The following CERKL variants were observed in gnomAD, a reference collection of about 807,000 sequenced individuals.
CERKL encodes CERK like autophagy regulator.
Under a neutral mutation model 63.4 loss-of-function variants are expected in CERKL, and 61 were observed. That is an observed-to-expected ratio of 0.96 (90% confidence interval 0.78 to 1.19). The LOEUF (loss-of-function observed/expected upper bound fraction) is 1.19, where lower values mean the gene tolerates loss of function less well. Ranked by LOEUF, CERKL falls within the 50% of genes most tolerant of loss-of-function variation. The pLI is 0.00. For missense variants in CERKL, 675 were observed against 655.5 expected (o/e 1.03, Z -0.33); for synonymous variants, 250 against 230.5 (o/e 1.08, Z -0.77).
In CERKL at chr2:181,656,795, C is replaced by T. The variant is rs781492548; in HGVS notation, c.212G>A (p.Arg71Gln). The T allele has an allele frequency of 1.3e-6, 2 of 1,596,100 alleles. No homozygotes were observed. Among genetic ancestry groups the T allele is most frequent in the South Asian group, 1.1e-5 (1 of 89,598 alleles). Residue 71 changes from arginine (R) to glutamine (Q), a missense_variant, in exon 1 of 13, where the codon CGG becomes CAG. Physicochemically the swap from Arg to Gln is conservative, Grantham distance 43 (BLOSUM62 1). Transcript: ENST00000410087. ...CGCCGGGCGCTCGGGCTGAATGGGC[C>T]GCCACCGCAGTGCTCGCTCGCTCAG... ...VVLSERALRW[R>Q]PIQPERPAGD... is the part of the protein sequence containing the mutation.
At chr2:181,607,985 A>G (rs984924209) in intron 1 of CERKL, among the ~76,000 whole-genome samples, 5 of 151,966 alleles carry the variant, frequency 3.3e-5, no homozygotes, top group Non-Finnish European at 7.4e-5. Context: ...ATGAAACTGA[A>G]TATCTTTTCA....
At chr2:181,599,389 T>C (rs1478244207) in intron 2 of CERKL, among the ~76,000 whole-genome samples, 1 of 151,378 alleles carries the variant, frequency 6.6e-6, no homozygotes, top group Admixed American at 6.6e-5. Context: ...ATACAAAAAT[T>C]AGTCGGGGGT....
chr2:181,583,447 T>A (rs2105863537), intron 2 of CERKL, among the ~76,000 whole-genome samples: 1 of 152,324 alleles, frequency 6.6e-6, no homozygotes, highest in African/African-American at 2.4e-5. Context: ...ACTTATGAAG[T>A]ATTCTTGCCC....
chr2:181,643,113 G>A (rs1318265622), intron 1 of CERKL, among the ~76,000 whole-genome samples: 1 of 152,114 alleles, frequency 6.6e-6, no homozygotes, highest in Non-Finnish European at 1.5e-5. Context: ...CAGACAGTGG[G>A]CCCCATTGAC....
At chr2:181,547,399 T>G (rs1190619441) in intron 10 of CERKL, among the ~76,000 whole-genome samples, 2 of 152,188 alleles carry the variant, frequency 1.3e-5, no homozygotes, top group Non-Finnish European at 2.9e-5. Flanking sequence ...GAAATATTAT[T>G]TTAGCCTCAG....
chr2:181,603,609 C>A (rs144954668), intron 2 of CERKL: 45 of 528,910 alleles, frequency 8.5e-5, no homozygotes, highest in African/African-American at 6.5e-4. Flanking sequence ...ATATGAAAAT[C>A]AATTAATATA....
intron 12 of CERKL, among the ~76,000 whole-genome samples, chr2:181,538,713 CTA>C (rs759270220): frequency 2.0e-5 from 3 of 152,080 alleles, no homozygotes; most frequent in Non-Finnish European, 4.4e-5. Flanking sequence ...TGAGAGGAAA[CTA>C]AGATGGAAGG....
At chr2:181,567,970 T>C (rs1574457076) in intron 3 of CERKL, among the ~76,000 whole-genome samples, 1 of 152,176 alleles carries the variant, frequency 6.6e-6, no homozygotes, top group South Asian at 2.1e-4. Flanking sequence ...TCTTCTTTCA[T>C]CTATTTGCCT....
chr2:181,648,033 A>G lies in CERKL; in HGVS notation c.238+8736T>C, dbSNP rs187200908. Among the ~76,000 whole-genome samples, 886 of 152,246 alleles carry G rather than the reference A, an allele frequency of 5.8e-3. 10 individuals carry two copies. The highest frequency in any genetic ancestry group is 0.021 in the African/African-American group (855 of 41,558). ...GTTTTGTGAAATAACCCAAAGTTTA[A>G]AAAAAACTAAGCAAAGAAATTTTTG... On this transcript the variant is annotated intron_variant, in intron 1 of 12. Coordinates refer to ENST00000410087, the MANE Select transcript of CERKL (RefSeq NM_201548.5).
At chr2:181,549,225 T>C (rs1030798605) in intron 6 of CERKL, among the ~76,000 whole-genome samples, 8 of 152,206 alleles carry the variant, frequency 5.3e-5, no homozygotes, top group Non-Finnish European at 1.0e-4. Flanking sequence ...AAAATATCTA[T>C]AGACATCTAC....
At chr2:181,560,900 A>C (rs1171050973) in intron 4 of CERKL, among the ~76,000 whole-genome samples, 1 of 152,210 alleles carries the variant, frequency 6.6e-6, no homozygotes, top group East Asian at 1.9e-4. Flanking sequence ...TCAATCATTA[A>C]GATCATGTTC....
Position 181,606,016 on chromosome 2 carries a change from G to A in CERKL, c.239-1937C>T, listed in dbSNP as rs184608554. Among the ~76,000 whole-genome samples, 450 of 150,042 alleles carry A rather than the reference G, an allele frequency of 3.0e-3. 5 individuals carry two copies. The highest frequency in any genetic ancestry group is 0.01 in the African/African-American group (408 of 40,668). On this transcript the variant is annotated intron_variant, in intron 1 of 12. Coordinates refer to ENST00000410087, the MANE Select transcript of CERKL (RefSeq NM_201548.5). ...TATACATACCACTAAAAAAAAGAAAGCATGGAAGGAATGAAAGAGAGAAGG... is the reference window on the plus strand; with the variant it reads ...TATACATACCACTAAAAAAAAGAAAACATGGAAGGAATGAAAGAGAGAAGG...
At chr2:181,551,086 C>T (rs1687964357) in intron 5 of CERKL, among the ~76,000 whole-genome samples, 1 of 152,074 alleles carries the variant, frequency 6.6e-6, no homozygotes, top group Non-Finnish European at 1.5e-5. Context: ...TAAAATAGTA[C>T]TGGAAGTTCT....
intron 2 of CERKL, among the ~76,000 whole-genome samples, chr2:181,582,974 C>T (rs1189848982): frequency 6.6e-6 from 1 of 152,144 alleles, no homozygotes; most frequent in African/African-American, 2.4e-5. Context: ...TTTATCTTTC[C>T]ACTTTATCTT....
At chr2:181,602,596 AG>A (rs1559099261) in intron 2 of CERKL, among the ~76,000 whole-genome samples, 1 of 152,204 alleles carries the variant, frequency 6.6e-6, no homozygotes, top group Non-Finnish European at 1.5e-5. Context: ...ACTTAGTAAG[AG>A]GGTCTTCCAA....
chr2:181,575,950 G>C (rs1467385053), intron 2 of CERKL, among the ~76,000 whole-genome samples: 1 of 152,160 alleles, frequency 6.6e-6, no homozygotes, highest in Non-Finnish European at 1.5e-5. Context: ...GTTTGTCTCA[G>C]AGTAAGGCTT....
rs371478113 is a variant in CERKL, at chr2:181,576,847, A to T, written c.482-2963T>A. Among the ~76,000 whole-genome samples the T allele has an allele frequency of 6.6e-5, 10 of 152,348 alleles. No individual in the cohort carries two copies. The South Asian group carries it at 1.0e-3, about 16-fold the overall frequency. On this transcript the variant is annotated intron_variant, in intron 2 of 12. Coordinates refer to ENST00000410087, the MANE Select transcript of CERKL (RefSeq NM_201548.5). ...ATGTGAAAGAGAAGAGTCAAGGAATATTCAAATGTCTGGCTGGTAAGGGGA... is the reference window on the plus strand; with the variant it reads ...ATGTGAAAGAGAAGAGTCAAGGAATTTTCAAATGTCTGGCTGGTAAGGGGA...
chr2:181,591,505 T>C (rs1256847474), intron 2 of CERKL, among the ~76,000 whole-genome samples: 6 of 152,166 alleles, frequency 3.9e-5, no homozygotes, highest in South Asian at 2.1e-4. Flanking sequence ...ACTTGAAATA[T>C]ATACTTTCAG....
chr2:181,650,861 A>G (rs1351039080), intron 1 of CERKL, among the ~76,000 whole-genome samples: 1 of 152,234 alleles, frequency 6.6e-6, no homozygotes, highest in African/African-American at 2.4e-5. Context: ...AATGAAATAG[A>G]GACTAAAAAT....
Sources: gnomAD v4.1 joint callset for allele counts (sites outside exome capture counted in the v4.1 genomes callset) on GRCh38, gnomAD v4.1.1 for gene constraint, MANE v1.5 for transcripts, NCBI Gene and HGNC (gene_info 2026-07-23, HGNC 2026-07-21) for gene names.